Variants in SLC6A15 observed in about 807,000 individuals in gnomAD.
SLC6A15 encodes the protein sodium-dependent neutral amino acid transporter B(0)AT2.
A neutral mutation model predicts 68.5 loss-of-function variants in SLC6A15; 33 were observed. The observed-to-expected ratio is 0.48, with a 90% CI of 0.37 to 0.64. The LOEUF is 0.64. SLC6A15 is among the 30% of genes least tolerant of loss of function. The pLI is 0.00. For synonymous variants in SLC6A15, 347 were observed against 301.0 expected (o/e 1.15, Z -1.58); for missense variants, 747 against 874.3 (o/e 0.85, Z 1.84).
chr12:84,879,658 C>T (rs952260997), intron 5 of SLC6A15, among the ~76,000 whole-genome samples: 2 of 151,840 alleles, frequency 1.3e-5, no homozygotes, highest in Admixed American at 1.3e-4. Flanking sequence ...TCTGTTACTC[C>T]ACTTAGTATG....
chr12:84,875,720 C>A lies in SLC6A15; in HGVS notation c.867+777G>T, dbSNP rs1463679187. On this transcript the variant is annotated intron_variant, in intron 6 of 11. Transcript: ENST00000266682. Reference sequence around the variant, plus strand: ...TATATGAGAATCAAAAACGTGGTCCCTGTTAAAGCAGTATAAGAAATTATG... The same window carrying A: ...TATATGAGAATCAAAAACGTGGTCCATGTTAAAGCAGTATAAGAAATTATG... 2.6e-5 allele frequency among the ~76,000 whole-genome samples: 2 copies of A among 76,642 alleles called. 1 individual carries two copies. The highest frequency in any genetic ancestry group is 1.1e-4 in the African/African-American group (2 of 17,612). The allele number at this position is 76,642 out of a possible 152,430, so 50.3% of individuals were successfully genotyped here.
chr12:84,889,404 G>A (rs1392954281), intron 2 of SLC6A15, among the ~76,000 whole-genome samples: 1 of 151,660 alleles, frequency 6.6e-6, no homozygotes, highest in East Asian at 1.9e-4. Context: ...GCAGGAGAAT[G>A]GCATGAACCC....
Position 84,867,189 on chromosome 12 carries a change from G to C in SLC6A15, c.1500C>G (p.Ile500Met). The change falls in exon 10 of 12, where the codon ATC (isoleucine) becomes ATG (methionine). Residue 500 changes from isoleucine (I) to methionine (M), a missense_variant. Physicochemically the swap from Ile to Met is conservative, Grantham distance 10 (BLOSUM62 1). Transcript: ENST00000266682. ...FKVRKEILTV[I>M]CCLLAFCIGL... The stretch of plus-strand genomic sequence containing the variant: ...CAATACAAAATGCCAGAAGACAACA[G>C]ATAACTAGACAAAAGAAATAAATGA... 1 of 1,591,390 alleles carries C rather than the reference G, an allele frequency of 6.3e-7. No individual in the cohort carries two copies. Among genetic ancestry groups the C allele is most frequent in the Non-Finnish European group, 8.5e-7 (1 of 1,170,424 alleles).
rs188724831 is a variant in SLC6A15, at chr12:84,895,310, T to G, written c.-188-3002A>C. Among the ~76,000 whole-genome samples the G allele has an allele frequency of 3.3e-4, 50 of 151,380 alleles. No individual in the cohort carries two copies. In the East Asian group the frequency reaches 5.4e-3, roughly 16 times the overall value. On this transcript the variant is annotated intron_variant, in intron 1 of 11. Transcript: ENST00000266682. ...AGATCATATAACTAAACAAGTATTT[T>G]GCACTTAGATGTTTTCATTTTTGTT...
chr12:84,891,052 T>C (rs1872367007), intron 2 of SLC6A15, among the ~76,000 whole-genome samples: 1 of 152,178 alleles, frequency 6.6e-6, no homozygotes, highest in Admixed American at 6.5e-5. Flanking sequence ...ATTAGCATCA[T>C]ATGTAAACAA....
rs375413641 is a variant in SLC6A15 at position 84,910,564 on chromosome 12, G to A, written c.-189+1959C>T. 3.9e-5 allele frequency among the ~76,000 whole-genome samples: 6 copies of A among 152,324 alleles called. No individual in the cohort carries two copies. The East Asian group carries it at 9.6e-4, about 24-fold the overall frequency. On this transcript the variant is annotated intron_variant, in intron 1 of 11. Transcript: ENST00000266682. ...TGCTATTTTGCAGACCTTGGTGAAAGCGAAACATTTCACAGGGGTTCGAGC... is the reference window on the plus strand; with the variant it reads ...TGCTATTTTGCAGACCTTGGTGAAAACGAAACATTTCACAGGGGTTCGAGC...
chr12:84,910,928 C>CTCTCTCTCTCTCTCTCTCTCTCTCTCT (rs1873408667), intron 1 of SLC6A15, among the ~76,000 whole-genome samples: 22 of 143,542 alleles, frequency 1.5e-4, no homozygotes, highest in African/African-American at 5.9e-4. Flanking sequence ...GCCCTCTTTC[C>CTCTCTCTCTCTCTCTCTCTCTCTCTCT]GTGTGTGTGT....
Position 84,870,565 on chromosome 12 carries a change from G to A in SLC6A15, c.1408C>T (p.Leu470=). Residue 470 remains leucine (L), a synonymous_variant, in exon 9 of 12, where the codon CTA becomes TTA. Transcript: ENST00000266682. Reference sequence around the variant, plus strand: ...GTTCCAAACATACTGCCAAGGCCTAGATTGACCAGCATGAGGAAAAACATC... The same window carrying A: ...GTTCCAAACATACTGCCAAGGCCTAAATTGACCAGCATGAGGAAAAACATC... ...SVMFFLMLVN[L]GLGSMFGTIE... 1 of 1,612,786 alleles carries A rather than the reference G, an allele frequency of 6.2e-7. No homozygotes were observed. The highest frequency in any genetic ancestry group is 8.5e-7 in the Non-Finnish European group (1 of 1,179,366).
chr12:84,890,362 T>C (rs561219198), intron 2 of SLC6A15, among the ~76,000 whole-genome samples: 113 of 152,196 alleles, frequency 7.4e-4, no homozygotes, highest in Non-Finnish European at 9.9e-4. Context: ...CCAAATCAGC[T>C]ATCCTCCTTA....
At chr12:84,897,152 T>C (rs544305286) in intron 1 of SLC6A15, among the ~76,000 whole-genome samples, 3 of 152,074 alleles carry the variant, frequency 2.0e-5, no homozygotes, top group African/African-American at 7.2e-5. Flanking sequence ...GTTGCAGAGA[T>C]CATACCACTG....
intron 1 of SLC6A15, among the ~76,000 whole-genome samples, chr12:84,909,515 T>C (rs1017057868): frequency 6.6e-6 from 1 of 152,190 alleles, no homozygotes; most frequent in South Asian, 2.1e-4. Flanking sequence ...AAGAGTGGTA[T>C]GATAAGCAAA....
intron 10 of SLC6A15, 49 bp from the exon 11 acceptor site, chr12:84,863,650 A>G: frequency 3.7e-6 from 5 of 1,345,650 alleles, no homozygotes; most frequent in Non-Finnish European, 4.9e-6. Context: ...ATATTGCTAA[A>G]CCTTAAAAAA....
chr12:84,869,084 A>G (rs1235318834), intron 9 of SLC6A15, among the ~76,000 whole-genome samples: 1 of 152,184 alleles, frequency 6.6e-6, no homozygotes, highest in African/African-American at 2.4e-5. Context: ...ACAAACACAT[A>G]CAGACATAAT....
chr12:84,870,958 C>T (rs1242599198), intron 8 of SLC6A15, among the ~76,000 whole-genome samples: 1 of 151,952 alleles, frequency 6.6e-6, no homozygotes, highest in Non-Finnish European at 1.5e-5. Flanking sequence ...GAATGAAAAA[C>T]TATATTAAAG....
intron 6 of SLC6A15, among the ~76,000 whole-genome samples, chr12:84,873,691 C>G (rs940747615): frequency 1.3e-5 from 2 of 152,070 alleles, no homozygotes; most frequent in Admixed American, 1.3e-4. Flanking sequence ...CAAAACAGGT[C>G]AATTACCAAT....
chr12:84,880,985 C>T lies in SLC6A15; in HGVS notation c.756+2874G>A, dbSNP rs76786664. On this transcript the variant is annotated intron_variant, in intron 5 of 11. Transcript: ENST00000266682. ...TGGCCAACTATTTATTTTCCCTGAG[C>T]TTGTCAACTTTGCAGTAAAATGGGG... 1.3e-4 allele frequency: 68 copies of T among 523,020 alleles called. No individual in the cohort carries two copies. In the African/African-American group the frequency reaches 1.4e-3, roughly 11 times the overall value. 32.4% of individuals were successfully genotyped at this position (523,020 alleles called of 1,614,324 possible).
At chr12:84,898,194 A>G (rs904459846) in intron 1 of SLC6A15, among the ~76,000 whole-genome samples, 1 of 152,164 alleles carries the variant, frequency 6.6e-6, no homozygotes, top group Non-Finnish European at 1.5e-5. Context: ...TACAAAAATT[A>G]GCCAGGCCTG....
At chr12:84,864,320 CTTTT>C (rs551232166) in intron 10 of SLC6A15, among the ~76,000 whole-genome samples, 3 of 131,754 alleles carry the variant, frequency 2.3e-5, no homozygotes, top group African/African-American at 2.8e-5. Flanking sequence ...TTCTTTCTTT[CTTTT>C]TTTTTTTTTT....
intron 1 of SLC6A15, among the ~76,000 whole-genome samples, chr12:84,898,601 T>C (rs1164826449): frequency 2.6e-5 from 4 of 152,238 alleles, no homozygotes; most frequent in African/African-American, 2.4e-5. Context: ...CTTCAGTTTC[T>C]TCATTTATAA....
Sources: allele counts gnomAD v4.1 joint callset (sites outside exome capture counted in the v4.1 genomes callset), GRCh38; gene constraint gnomAD v4.1.1; transcripts MANE v1.5; gene names NCBI Gene and HGNC (gene_info 2026-07-23, HGNC 2026-07-21).